AAGAB: variants seen among roughly 807,000 people sequenced by gnomAD.
AAGAB encodes the protein alpha- and gamma-adaptin-binding protein p34.
AAGAB carries 38 observed loss-of-function variants against 44.1 expected under a neutral mutation model. The ratio of observed to expected loss-of-function variants is 0.86; its 90% confidence interval spans 0.67 to 1.13. The LOEUF is 1.13. Among genes scored for constraint, AAGAB ranks in the 50% most tolerant of loss-of-function variants. The probability of loss-of-function intolerance (pLI) is 0.00; values close to 1 mark genes in which losing one functional copy is unlikely to be tolerated. For synonymous variants in AAGAB, 131 were observed against 131.8 expected (o/e 0.99, Z 0.04); for missense variants, 450 against 373.8 (o/e 1.20, Z -1.68).
intron 7 of AAGAB, among the ~76,000 whole-genome samples, chr15:67,206,180 T>C (rs534157490): frequency 6.6e-6 from 1 of 152,370 alleles, no homozygotes; most frequent in Admixed American, 6.5e-5. Flanking sequence ...AGTTATTTTG[T>C]ATAATGTCCC....
intron 1 of AAGAB, among the ~76,000 whole-genome samples, chr15:67,243,162 TTG>T (rs1189667293): frequency 6.7e-6 from 1 of 150,286 alleles, no homozygotes; most frequent in Admixed American, 6.6e-5. Context: ...GGCAGGGGGG[TTG>T]TGGGGGGGTC....
chr15:67,209,354 T>C, intron 6 of AAGAB, 108 bp downstream of exon 6: 1 of 974,178 alleles, frequency 1.0e-6, no homozygotes, highest in South Asian at 1.4e-5. Context: ...TAACATTCTC[T>C]GTCACCTTTT....
chr15:67,229,431 T>G (rs1431941272), intron 5 of AAGAB, among the ~76,000 whole-genome samples: 1 of 143,496 alleles, frequency 7.0e-6, no homozygotes, highest in East Asian at 2.0e-4. Flanking sequence ...AGAGTCCGTC[T>G]TAAAAAAAAA....
intron 5 of AAGAB, among the ~76,000 whole-genome samples, chr15:67,211,801 A>G (rs1963826649): frequency 6.6e-6 from 1 of 152,244 alleles, no homozygotes; most frequent in Non-Finnish European, 1.5e-5. Context: ...TTGGCAGGCC[A>G]GAGTGCAACT....
chr15:67,217,946 G>C (rs917332944), intron 5 of AAGAB, among the ~76,000 whole-genome samples: 1 of 152,194 alleles, frequency 6.6e-6, no homozygotes, highest in Non-Finnish European at 1.5e-5. Flanking sequence ...GGGGATACAT[G>C]TTAATAAATG....
intron 7 of AAGAB, among the ~76,000 whole-genome samples, chr15:67,208,136 A>G (rs1963726952): frequency 6.6e-6 from 1 of 152,254 alleles, no homozygotes; most frequent in African/African-American, 2.4e-5. Context: ...CTTCTCTGCA[A>G]AACTTCATTA....
In AAGAB at chr15:67,228,459, A is replaced by G. The variant is rs74245502; in HGVS notation, c.535+3355T>C. Among the ~76,000 whole-genome samples, 39 of 152,362 alleles carry G rather than the reference A, an allele frequency of 2.6e-4. No individual in the cohort carries two copies. In the East Asian group the frequency reaches 6.7e-3, roughly 26 times the overall value. ...ATCTCCTTATTGTGGCTATGATTAA[A>G]AAGTCAGAAAATAACGGATGTTGGT... On this transcript the variant is annotated intron_variant, in intron 5 of 9. Coordinates refer to ENST00000261880, the MANE Select transcript of AAGAB (RefSeq NM_024666.5).
At chr15:67,246,413 A>T (rs1481836176) in intron 1 of AAGAB, among the ~76,000 whole-genome samples, 1 of 152,100 alleles carries the variant, frequency 6.6e-6, no homozygotes, top group African/African-American at 2.4e-5. Flanking sequence ...AAAAAATGAA[A>T]AAACAGTTTC....
chr15:67,228,609 C>T (rs1427957832), intron 5 of AAGAB, among the ~76,000 whole-genome samples: 5 of 152,190 alleles, frequency 3.3e-5, no homozygotes, highest in Admixed American at 3.3e-4. Context: ...TTCAACCCAG[C>T]AATCCCATTA....
intron 3 of AAGAB, 110 bp downstream of exon 3, chr15:67,236,298 G>T: frequency 1.8e-6 from 2 of 1,100,764 alleles, no homozygotes; most frequent in African/African-American, 1.6e-5. Context: ...TTTTCATAAA[G>T]CCATAAAGTC....
chr15:67,249,678 T>C (rs946607055), intron 1 of AAGAB, among the ~76,000 whole-genome samples: 8 of 152,218 alleles, frequency 5.3e-5, no homozygotes, highest in African/African-American at 1.4e-4. Flanking sequence ...GTCTCTCTCA[T>C]TGCTTACACC....
At chr15:67,218,038 T>C (rs1963990029) in intron 5 of AAGAB, among the ~76,000 whole-genome samples, 1 of 152,200 alleles carries the variant, frequency 6.6e-6, no homozygotes, top group Non-Finnish European at 1.5e-5. Flanking sequence ...ATTCCACTAA[T>C]CCTCCTCCAT....
chr15:67,243,166 G>A (rs565151798), intron 1 of AAGAB, among the ~76,000 whole-genome samples: 4 of 151,958 alleles, frequency 2.6e-5, no homozygotes, highest in Admixed American at 2.0e-4. Context: ...GGGGGGTTGT[G>A]GGGGGGTCTC....
At chr15:67,218,118 C>G (rs1260465060) in intron 5 of AAGAB, among the ~76,000 whole-genome samples, 1 of 152,200 alleles carries the variant, frequency 6.6e-6, no homozygotes, top group African/African-American at 2.4e-5. Flanking sequence ...GAAATCCAGT[C>G]TCTACAATTA....
intron 1 of AAGAB, among the ~76,000 whole-genome samples, chr15:67,237,854 A>C (rs894235263): frequency 1.3e-5 from 2 of 152,346 alleles, no homozygotes; most frequent in Non-Finnish European, 2.9e-5. Context: ...CCTCAAACTC[A>C]TAATTAGCAA....
At chr15:67,241,681 C>T (rs1964603694) in intron 1 of AAGAB, among the ~76,000 whole-genome samples, 1 of 152,002 alleles carries the variant, frequency 6.6e-6, no homozygotes, top group South Asian at 2.1e-4. Flanking sequence ...TGAGAACACT[C>T]CTCAAAAGGC....
chr15:67,211,235 G>A (rs1434736509), intron 5 of AAGAB, among the ~76,000 whole-genome samples: 1 of 152,160 alleles, frequency 6.6e-6, no homozygotes, highest in Non-Finnish European at 1.5e-5. Flanking sequence ...ACCTTGGTCT[G>A]GGCAAAACTA....
intron 5 of AAGAB, among the ~76,000 whole-genome samples, chr15:67,209,834 A>G (rs1004427641): frequency 6.6e-6 from 1 of 151,558 alleles, no homozygotes; most frequent in Non-Finnish European, 1.5e-5. Context: ...TTTTAAAATT[A>G]TTTCTTGTTT....
chr15:67,233,796 C>T (rs1300345432), intron 4 of AAGAB, among the ~76,000 whole-genome samples: 1 of 152,138 alleles, frequency 6.6e-6, no homozygotes, highest in African/African-American at 2.4e-5. Flanking sequence ...ACTGAAAACT[C>T]CTTGACGGCA....
Sources: gnomAD v4.1 joint callset for allele counts (sites outside exome capture counted in the v4.1 genomes callset) on GRCh38, gnomAD v4.1.1 for gene constraint, MANE v1.5 for transcripts, NCBI Gene and HGNC (gene_info 2026-07-23, HGNC 2026-07-21) for gene names.